The following ZFPM2 variants were observed in gnomAD, a reference collection of about 807,000 sequenced individuals.
ZFPM2 encodes the protein zinc finger protein, FOG family member 2, also known as zinc finger protein ZFPM2.
In ZFPM2, 20 loss-of-function variants were observed where a neutral mutation model predicts 98.6. That is an observed-to-expected ratio of 0.20 (90% confidence interval 0.14 to 0.29). The LOEUF is 0.29. Ranked by LOEUF, ZFPM2 falls within the 10% of genes least tolerant of loss-of-function variation. The probability of loss-of-function intolerance (pLI) is 1.00; values close to 1 mark genes in which losing one functional copy is unlikely to be tolerated. For missense variants in ZFPM2, 1,310 were observed against 1,388.6 expected (o/e 0.94, Z 0.90); for synonymous variants, 518 against 502.7 (o/e 1.03, Z -0.41).
At chr8:105,416,458 A>G (rs539885970) in intron 1 of ZFPM2, among the ~76,000 whole-genome samples, 12 of 151,846 alleles carry the variant, frequency 7.9e-5, no homozygotes, top group Admixed American at 6.6e-4. Context: ...ATTGTATAAT[A>G]TGTATACATT....
chr8:105,727,198 G>A (rs1315804517), intron 5 of ZFPM2, among the ~76,000 whole-genome samples: 1 of 151,044 alleles, frequency 6.6e-6, no homozygotes, highest in Non-Finnish European at 1.5e-5. Context: ...GGGTACAAGA[G>A]TACACACCCT....
intron 1 of ZFPM2, among the ~76,000 whole-genome samples, chr8:105,333,113 C>G (rs1812263281): frequency 1.3e-5 from 2 of 151,778 alleles, no homozygotes; most frequent in East Asian, 1.9e-4. Flanking sequence ...CAAAACAAAG[C>G]AAAACAACAA....
intron 5 of ZFPM2, among the ~76,000 whole-genome samples, chr8:105,746,215 C>A (rs1408773960): frequency 2.0e-5 from 3 of 151,770 alleles, no homozygotes; most frequent in Non-Finnish European, 2.9e-5. Context: ...CAAAATAAAG[C>A]TAAGGAGTAT....
At chr8:105,619,991 T>C (rs1332324709) in intron 4 of ZFPM2, among the ~76,000 whole-genome samples, 2 of 152,302 alleles carry the variant, frequency 1.3e-5, no homozygotes, top group East Asian at 3.9e-4. Context: ...GCAATAAATA[T>C]ACGTGTGCAT....
chr8:105,734,774 G>A (rs1812029814), intron 5 of ZFPM2, among the ~76,000 whole-genome samples: 1 of 151,800 alleles, frequency 6.6e-6, no homozygotes, highest in Non-Finnish European at 1.5e-5. Context: ...CTCTGGTGTT[G>A]AAGTCTGCAA....
At chr8:105,525,118 A>G (rs1360628174) in intron 3 of ZFPM2, among the ~76,000 whole-genome samples, 2 of 152,166 alleles carry the variant, frequency 1.3e-5, no homozygotes, top group Admixed American at 6.5e-5. Context: ...TGTGACCCCT[A>G]TTCTTTTAAG....
chr8:105,470,213 T>C (rs1355360467), intron 3 of ZFPM2, among the ~76,000 whole-genome samples: 1 of 152,200 alleles, frequency 6.6e-6, no homozygotes, highest in Non-Finnish European at 1.5e-5. Context: ...ATTTATTTTT[T>C]GAGAGAGATG....
At position 105,379,981 on chromosome 8, in the gene ZFPM2, A is replaced by G. The variant is rs556635850; in HGVS notation, c.41-39163A>G. On this transcript the variant is annotated intron_variant, in intron 1 of 7. Transcript: ENST00000407775. ...CATTATTGTAGTCCTAAGTCCTGAG[A>G]GTGCCTGCGCATATAGGAAATACTC... Among the ~76,000 whole-genome samples, 37 of 152,266 alleles carry G rather than the reference A, an allele frequency of 2.4e-4. 1 individual carries two copies. The East Asian group carries it at 6.6e-3, about 27-fold the overall frequency.
At chr8:105,560,169 C>CAAAA (rs34623592) in intron 3 of ZFPM2, among the ~76,000 whole-genome samples, 3 of 67,548 alleles carry the variant, frequency 4.4e-5, no homozygotes, top group African/African-American at 1.3e-4. Flanking sequence ...AACTCTGTCT[C>CAAAA]AAAAAAAAAA....
intron 3 of ZFPM2, among the ~76,000 whole-genome samples, chr8:105,466,739 A>T (rs2130327622): frequency 6.6e-6 from 1 of 152,138 alleles, no homozygotes; most frequent in African/African-American, 2.4e-5. Flanking sequence ...CTTGAGAGTA[A>T]ATACCAGGTG....
At chr8:105,620,713 T>G (rs1816521721) in intron 4 of ZFPM2, among the ~76,000 whole-genome samples, 2 of 152,100 alleles carry the variant, frequency 1.3e-5, no homozygotes, top group Admixed American at 6.6e-5. Context: ...TTTATATAAA[T>G]TGTAAGGAAG....
At chr8:105,786,089 C>G (rs1283169798) in intron 5 of ZFPM2, among the ~76,000 whole-genome samples, 1 of 147,306 alleles carries the variant, frequency 6.8e-6, no homozygotes, top group Admixed American at 6.9e-5. Context: ...GAGTGATGTT[C>G]ACGCCTGTAG....
rs545103468 is a variant in ZFPM2, at chr8:105,345,964, A to G, written c.40+26983A>G. ...CTGATTTGAATGTTTTTTTCAATAA[A>G]TGTTTGCCATGCAAATACAATGTAT... On this transcript the variant is annotated intron_variant, in intron 1 of 7. Coordinates refer to ENST00000407775, the MANE Select transcript of ZFPM2 (RefSeq NM_012082.4). 2.4e-4 allele frequency among the ~76,000 whole-genome samples: 37 copies of G among 152,294 alleles called. 1 individual carries two copies. In the East Asian group the frequency reaches 6.6e-3, roughly 27 times the overall value.
rs183543252 is a variant in ZFPM2 at position 105,388,314 on chromosome 8, G to A, written c.41-30830G>A. On this transcript the variant is annotated intron_variant, in intron 1 of 7. Transcript: ENST00000407775. ...TAAAAAAGGAAAGAGAAGAAGAAAT[G>A]GAGAGAAAAGGGAAAAGGAGATGGG... 5.9e-5 allele frequency among the ~76,000 whole-genome samples: 9 copies of A among 152,134 alleles called. 1 individual carries two copies. Among genetic ancestry groups the A allele is most frequent in the Admixed American group, 5.2e-4 (8 of 15,278 alleles).
chr8:105,589,974 G>GC, intron 4 of ZFPM2, among the ~76,000 whole-genome samples: 1 of 152,150 alleles, frequency 6.6e-6, no homozygotes, highest in Non-Finnish European at 1.5e-5. Flanking sequence ...GCCTGCCTCA[G>GC]CCCCCAGAGT....
At chr8:105,373,359 A>T (rs2129826131) in intron 1 of ZFPM2, among the ~76,000 whole-genome samples, 1 of 152,322 alleles carries the variant, frequency 6.6e-6, no homozygotes, top group South Asian at 2.1e-4. Context: ...TTCCAAGTTC[A>T]GTTATTATTT....
intron 5 of ZFPM2, chr8:105,780,510 A>G (rs566174625): frequency 6.6e-6 from 1 of 152,238 alleles, no homozygotes; most frequent in African/African-American, 2.4e-5. Flanking sequence ...CAGTCGTTAC[A>G]TCATTGTTTA....
chr8:105,362,361 A>C (rs1810419835), intron 1 of ZFPM2, among the ~76,000 whole-genome samples: 1 of 151,848 alleles, frequency 6.6e-6, no homozygotes, highest in Non-Finnish European at 1.5e-5. Flanking sequence ...TGGTGCTACT[A>C]AGTTCGTATT....
intron 3 of ZFPM2, among the ~76,000 whole-genome samples, chr8:105,469,523 A>T (rs182797088): frequency 1.1e-3 from 161 of 152,162 alleles, no homozygotes; most frequent in African/African-American, 3.6e-3. Flanking sequence ...TTCACACAAT[A>T]TTTCTTGAGC....
Sources: allele counts gnomAD v4.1 joint callset (sites outside exome capture counted in the v4.1 genomes callset), GRCh38; gene constraint gnomAD v4.1.1; transcripts MANE v1.5; gene names NCBI Gene and HGNC (gene_info 2026-07-23, HGNC 2026-07-21).